The following CENPC variants were observed in gnomAD, a reference collection of about 807,000 sequenced individuals.
CENPC encodes the protein CENP-C 1.
CENPC carries 63 observed loss-of-function variants against 112.1 expected under a neutral mutation model. That is an observed-to-expected ratio of 0.56 (90% CI 0.46 to 0.69). The LOEUF is 0.69. Among genes scored for constraint, CENPC ranks in the 30% least tolerant of loss-of-function variants. The pLI is 0.00. For missense variants in CENPC, 1,000 were observed against 1,103.8 expected (o/e 0.91, Z 1.33); for synonymous variants, 333 against 367.6 (o/e 0.91, Z 1.08).
chr4:67,526,921 C>T (rs1726397182), intron 5 of CENPC, among the ~76,000 whole-genome samples: 1 of 152,026 alleles, frequency 6.6e-6, no homozygotes, highest in Admixed American at 6.6e-5. Flanking sequence ...AAATGTAGAA[C>T]TGAAATTGCA....
intron 9 of CENPC, among the ~76,000 whole-genome samples, 152 bp from the exon 10 acceptor site, chr4:67,509,257 T>C (rs899832993): frequency 5.1e-5 from 7 of 136,786 alleles, no homozygotes; most frequent in African/African-American, 1.4e-4. Flanking sequence ...CACACACACA[T>C]CTCAGGCTAA....
chr4:67,526,200 G>A (rs1014172957), intron 5 of CENPC, among the ~76,000 whole-genome samples: 2 of 152,000 alleles, frequency 1.3e-5, no homozygotes, highest in Non-Finnish European at 2.9e-5. Context: ...GAGAGCATTA[G>A]GACAAACACC....
chr4:67,514,304 T>C lies in CENPC; in HGVS notation c.1214A>G (p.Lys405Arg), dbSNP rs1725987100. 1 of 1,610,012 alleles carries C rather than the reference T, an allele frequency of 6.2e-7. No individual in the cohort carries two copies. Among genetic ancestry groups the C allele is most frequent in the Admixed American group, 1.7e-5 (1 of 59,366 alleles). Reference protein sequence around the residue: ...YRSTKYEMYSKNAEKPSRSKR... With the variant: ...YRSTKYEMYSRNAEKPSRSKR... Reference sequence around the variant, plus strand: ...GCTTCTAGATGGTTTTTCTGCATTCTTGGAATACATTTCATATTTTGTAGA... The same window carrying C: ...GCTTCTAGATGGTTTTTCTGCATTCCTGGAATACATTTCATATTTTGTAGA... The change falls in exon 8 of 19, where the codon AAG becomes AGG. Residue 405 changes from lysine to arginine, a missense_variant. Lys to Arg is a conservative substitution (Grantham distance 26, BLOSUM62 2). Coordinates refer to ENST00000273853, the MANE Select transcript of CENPC (RefSeq NM_001812.4).
At position 67,539,865 on chromosome 4, in the gene CENPC, G is replaced by C. The variant is rs779707655; in HGVS notation, c.206C>G (p.Thr69Ser). 2 of 1,532,840 alleles carry C rather than the reference G, an allele frequency of 1.3e-6. No homozygotes were observed. The highest frequency in any genetic ancestry group is 1.4e-5 in the African/African-American group (1 of 72,158). 95.0% of individuals were successfully genotyped at this position (1,532,840 alleles called of 1,614,324 possible). A position where few individuals can be genotyped will look rare whatever the true frequency, so the allele number is the denominator to read the frequency against. ...CTCTTTGCTTGGTGACTGAATACAAGTGTCTTTTATTTTGCGTGTTGAATT... is the reference window on the plus strand; with the variant it reads ...CTCTTTGCTTGGTGACTGAATACAACTGTCTTTTATTTTGCGTGTTGAATT... ...VPNSTRKIKD[T>S]CIQSPSKECQ... The change falls in exon 4 of 19, where the codon ACT becomes AGT. Residue 69 changes from threonine to serine, a missense_variant. Thr to Ser is a moderately conservative substitution (Grantham distance 58, BLOSUM62 1). Coordinates refer to ENST00000273853, the MANE Select transcript of CENPC (RefSeq NM_001812.4).
Position 67,492,122 on chromosome 4 carries a change from G to A in CENPC, c.2515+58C>T, listed in dbSNP as rs539283822. ...AGTAGACAGGCCAATCATCAAGCAA[G>A]CAATATTTTCTTACAAATTGTTTAA... On this transcript the variant is annotated intron_variant, in intron 16 of 18. Transcript: ENST00000273853. The A allele has an allele frequency of 6.1e-6, 7 of 1,146,384 alleles. No homozygotes were observed. In the African/African-American group the frequency reaches 9.3e-5, roughly 15 times the overall value. 71.0% of individuals were successfully genotyped at this position (1,146,384 alleles called of 1,614,324 possible).
chr4:67,471,722 A>G lies in CENPC; in HGVS notation c.*883T>C, dbSNP rs1316403479. 2 of 152,204 alleles carry G rather than the reference A, an allele frequency of 1.3e-5. No homozygotes were observed. Among genetic ancestry groups the G allele is most frequent in the African/African-American group, 4.8e-5 (2 of 41,448 alleles). 9.4% of individuals were successfully genotyped at this position (152,204 alleles called of 1,614,324 possible). A position where few individuals can be genotyped will look rare whatever the true frequency, so the allele number is the denominator to read the frequency against. On this transcript the variant is annotated 3_prime_UTR_variant, in exon 19 of 19. Coordinates refer to ENST00000273853, the MANE Select transcript of CENPC (RefSeq NM_001812.4). Reference sequence around the variant, plus strand: ...CCTAAAAATATTTTTACCGTAAAACATCAATTTCTTCAGAGTTAATGAGAA... The same window carrying G: ...CCTAAAAATATTTTTACCGTAAAACGTCAATTTCTTCAGAGTTAATGAGAA...
chr4:67,502,681 C>T (rs950299035), intron 12 of CENPC, among the ~76,000 whole-genome samples: 6 of 152,248 alleles, frequency 3.9e-5, no homozygotes, highest in African/African-American at 1.4e-4. Context: ...TTGAGAACAT[C>T]AAGCTTAGTA....
chr4:67,493,967 T>C lies in CENPC; in HGVS notation c.2207A>G (p.Asn736Ser), dbSNP rs1201888013. Residue 736 changes from asparagine (N) to serine (S), a missense_variant, in exon 14 of 19, where the codon AAT becomes AGT. Coordinates refer to ENST00000273853, the MANE Select transcript of CENPC (RefSeq NM_001812.4). ...ACGTGTTCTCTTGGTCCTGCGAACA[T>C]TTGGTGTGTTGGAGGGCAATACTAT... ...HKLVLPSNTP[N>S]VRRTKRTRLK... 2 of 1,611,224 alleles carry C rather than the reference T, an allele frequency of 1.2e-6. No individual in the cohort carries two copies. The highest frequency in any genetic ancestry group is 1.7e-6 in the Non-Finnish European group (2 of 1,178,584).
chr4:67,480,492 C>T lies in CENPC; in HGVS notation c.2671-5514G>A, dbSNP rs118000763. 8.1e-4 allele frequency among the ~76,000 whole-genome samples: 123 copies of T among 151,832 alleles called. 3 individuals carry two copies. In the East Asian group the frequency reaches 0.023, roughly 28 times the overall value. On this transcript the variant is annotated intron_variant, in intron 17 of 18. Coordinates refer to ENST00000273853, the MANE Select transcript of CENPC (RefSeq NM_001812.4). ...AAACTCTAAATAGACCAATAATAAGCAGCAAGATTGAAAAGGTAATAAAAG... is the reference window on the plus strand; with the variant it reads ...AAACTCTAAATAGACCAATAATAAGTAGCAAGATTGAAAAGGTAATAAAAG...
rs1438302313 is a variant in CENPC at position 67,515,286 on chromosome 4, T to G, written c.831-599A>C. Among the ~76,000 whole-genome samples the G allele has an allele frequency of 5.3e-5, 8 of 150,272 alleles. 1 individual carries two copies. Among genetic ancestry groups the G allele is most frequent in the African/African-American group, 1.5e-4 (6 of 39,864 alleles). ...TTCAAGACCAGCCTGGCCAACATGG[T>G]GAAACCCCGTCTCTACTAAAAATAC... On this transcript the variant is annotated intron_variant, in intron 7 of 18. Coordinates refer to ENST00000273853, the MANE Select transcript of CENPC (RefSeq NM_001812.4).
At chr4:67,476,008 C>T (rs35161455) in intron 17 of CENPC, among the ~76,000 whole-genome samples, 33,006 of 152,058 alleles carry the variant, frequency 0.22, 3,635 homozygotes, top group South Asian at 0.27. Flanking sequence ...TTTAAAAAAT[C>T]GTATTGCCTA....
Position 67,489,308 on chromosome 4 carries a change from AAGG to A in CENPC, c.2670+656_2670+658del, listed in dbSNP as rs1392933069. Among the ~76,000 whole-genome samples, 10 of 151,544 alleles carry A rather than the reference AAGG, an allele frequency of 6.6e-5. No individual in the cohort carries two copies. In the East Asian group the frequency reaches 1.7e-3, roughly 26 times the overall value. On this transcript the variant is annotated intron_variant, in intron 17 of 18. Coordinates refer to ENST00000273853, the MANE Select transcript of CENPC (RefSeq NM_001812.4). ...TGGAAGAAAGGAGATAAAGAGAAAG[AAGG>A]AGAAGATAGAAACTGACTCACCTTG... is the stretch of plus-strand genomic sequence containing the variant.
At chr4:67,488,725 C>T (rs909136368) in intron 17 of CENPC, among the ~76,000 whole-genome samples, 1 of 151,904 alleles carries the variant, frequency 6.6e-6, no homozygotes, top group South Asian at 2.1e-4. Context: ...TATTATTATA[C>T]AGGGACCATC....
chr4:67,524,362 A>G (rs996571973), intron 5 of CENPC, among the ~76,000 whole-genome samples: 1 of 89,214 alleles, frequency 1.1e-5, no homozygotes, highest in African/African-American at 4.2e-5. Context: ...AAGTGTATTC[A>G]AACAGGAAGA....
rs1370423171 is a variant in CENPC at position 67,491,450 on chromosome 4, T to G, written c.2515+730A>C. On this transcript the variant is annotated intron_variant, in intron 16 of 18. Transcript: ENST00000273853. The stretch of plus-strand genomic sequence containing the variant: ...TGTTAATATATTTAAATATTTCATA[T>G]ATATATATATATATATATATATATA... Among the ~76,000 whole-genome samples, 275 of 28,860 alleles carry G rather than the reference T, an allele frequency of 9.5e-3. 7 individuals are homozygous for G. Among genetic ancestry groups the G allele is most frequent in the South Asian group, 0.015 (11 of 714 alleles). 18.9% of individuals were successfully genotyped at this position (28,860 alleles called of 152,430 possible).
intron 9 of CENPC, 190 bp downstream of exon 9, chr4:67,512,212 C>G: frequency 2.2e-6 from 1 of 453,620 alleles, no homozygotes; most frequent in Non-Finnish European, 3.8e-6. Context: ...GCTATTATCC[C>G]TATTCCTAAA....
In CENPC at chr4:67,545,351, G is replaced by C; in HGVS notation, c.5C>G (p.Ala2Gly). M[A>G]ASGLDHLKNG... ...GCCTGCACTTACCAGACCGGACGCA[G>C]CCATGTTCCGGCCCCGCTGAGCCAG... Residue 2 changes from alanine to glycine, a missense_variant, in exon 1 of 19, where the codon GCT becomes GGT. Physicochemically the swap from Ala to Gly is moderately conservative, Grantham distance 60 (BLOSUM62 0). Coordinates refer to ENST00000273853, the MANE Select transcript of CENPC (RefSeq NM_001812.4). 1 of 1,525,426 alleles carries C rather than the reference G, an allele frequency of 6.6e-7. No homozygotes were observed. The highest frequency in any genetic ancestry group is 8.8e-7 in the Non-Finnish European group (1 of 1,132,922). The allele number at this position is 1,525,426 out of a possible 1,614,324, so 94.5% of individuals were successfully genotyped here.
chr4:67,473,662 C>A (rs1724729585), intron 18 of CENPC, among the ~76,000 whole-genome samples: 1 of 152,134 alleles, frequency 6.6e-6, no homozygotes, highest in South Asian at 2.1e-4. Flanking sequence ...ATGCAGTCCT[C>A]CTGTCCCAGC....
At chr4:67,544,736 CTGA>C (rs1726980172) in intron 1 of CENPC, among the ~76,000 whole-genome samples, 1 of 152,160 alleles carries the variant, frequency 6.6e-6, no homozygotes, top group Admixed American at 6.5e-5. Flanking sequence ...TACCTTTTAA[CTGA>C]TAGCTGTCTT....
Sources: allele counts gnomAD v4.1 joint callset (sites outside exome capture counted in the v4.1 genomes callset), GRCh38; gene constraint gnomAD v4.1.1; transcripts MANE v1.5; gene names NCBI Gene and HGNC (gene_info 2026-07-23, HGNC 2026-07-21).